MUC5AC: variants seen among roughly 807,000 people sequenced by gnomAD.
The protein encoded by MUC5AC is mucin-5AC.
Under a neutral mutation model 169.7 loss-of-function variants are expected in MUC5AC, and 158 were observed. That is an observed-to-expected ratio of 0.93 (90% CI 0.82 to 1.06). The LOEUF (loss-of-function observed/expected upper bound fraction) is 1.06. Among genes scored for constraint, MUC5AC ranks in the 50% least tolerant of loss-of-function variants. The pLI is 0.00. For missense variants in MUC5AC, 4,359 were observed against 3,089.9 expected, an observed-to-expected ratio of 1.41 and a Z score of -9.74; for synonymous variants, 1,975 against 1,237.0, an observed-to-expected ratio of 1.60 and a Z score of -12.52.
Position 1,198,967 on chromosome 11 carries a change from A to G in MUC5AC, c.16267A>G (p.Thr5423Ala), listed in dbSNP as rs1287693857. 2.6e-6 allele frequency: 2 copies of G among 763,960 alleles called. No homozygotes were observed. Among genetic ancestry groups the G allele is most frequent in the Admixed American group, 1.7e-5 (1 of 58,904 alleles). 47.3% of individuals were successfully genotyped at this position (763,960 alleles called of 1,614,324 possible). A position where few individuals can be genotyped will look rare whatever the true frequency, so the allele number is the denominator to read the frequency against. ...PSDAFVVSCE[T>A]QICNTHCPVG... Reference sequence around the variant, plus strand: ...GGACGCGTTTGTGGTCAGCTGTGAGACCCAGATCTGCAACACACACTGCCC... The same window carrying G: ...GGACGCGTTTGTGGTCAGCTGTGAGGCCCAGATCTGCAACACACACTGCCC... Residue 5423 changes from threonine (T) to alanine (A), a missense_variant, in exon 44 of 49, where the codon ACC becomes GCC. Thr to Ala is a moderately conservative substitution (Grantham distance 58). Transcript: ENST00000621226.
intron 15 of MUC5AC, among the ~76,000 whole-genome samples, chr11:1,170,576 CTCACCTACTCACTCACTCACTCACCCAT>C (rs1860480302): frequency 2.7e-3 from 387 of 141,048 alleles, no homozygotes; most frequent in African/African-American, 3.4e-3. Context: ...CACTCACCCA[CTCACCTACTCACTCACTCACTCACCCAT>C]TCACCCACTC....
chr11:1,180,851 A>G (rs1860801216), intron 28 of MUC5AC, among the ~76,000 whole-genome samples: 1 of 152,134 alleles, frequency 6.6e-6, no homozygotes, highest in African/African-American at 2.4e-5. Flanking sequence ...AAGGATGCCC[A>G]TTAAAATCAC....
In MUC5AC at chr11:1,188,224, C is replaced by T. The variant is rs1426858290; in HGVS notation, c.10079C>T (p.Thr3360Ile). 1.5e-6 allele frequency: 1 copy of T among 689,414 alleles called. No homozygotes were observed. The highest frequency in any genetic ancestry group is 2.6e-6 in the Non-Finnish European group (1 of 379,278). The allele number at this position is 689,414 out of a possible 1,614,324, so 42.7% of individuals were successfully genotyped here. A position where few individuals can be genotyped will look rare whatever the true frequency, so the allele number is the denominator to read the frequency against. Residue 3360 changes from threonine to isoleucine, a missense_variant, in exon 31 of 49, where the codon ACT becomes ATT. Transcript: ENST00000621226. ...TCTTGGCAGAAATCCAGGACAACCA[C>T]TTTGGTGACAACCAGCACAACCTCC... is the stretch of plus-strand genomic sequence containing the variant. ...TSSWQKSRTT[T>I]LVTTSTTSTP...
In MUC5AC at chr11:1,195,199, A is replaced by G; in HGVS notation, c.15378A>G (p.Thr5126=). The change falls in exon 36 of 49, where the codon ACA becomes ACG. Residue 5126 remains threonine (T), a synonymous_variant. Coordinates refer to ENST00000621226, the MANE Select transcript of MUC5AC (RefSeq NM_001304359.2). ...TVGSTTVGPT[T]VGSTTVGPTT... ...GGTCTACCACGGTCGGGCCCACCAC[A>G]GTTGGGTCTACCACGGTCGGGCCCA... 1 of 760,086 alleles carries G rather than the reference A, an allele frequency of 1.3e-6. No homozygotes were observed. 47.1% of individuals were successfully genotyped at this position (760,086 alleles called of 1,614,324 possible).
chr11:1,169,118 C>A, intron 15 of MUC5AC, 92 bp downstream of exon 15: 1 of 1,429,626 alleles, frequency 7.0e-7, no homozygotes, highest in Non-Finnish European at 9.2e-7. Flanking sequence ...GCCGGCCCTG[C>A]GTGTGCCTGT....
chr11:1,169,759 C>A (rs1860443072), intron 15 of MUC5AC, among the ~76,000 whole-genome samples: 1 of 147,034 alleles, frequency 6.8e-6, no homozygotes, highest in Admixed American at 6.7e-5. Context: ...TCACTCACCT[C>A]ACTCACTCGC....
At chr11:1,161,701 T>G in intron 3 of MUC5AC, 115 bp downstream of exon 3, 1 of 1,321,538 alleles carries the variant, frequency 7.6e-7, no homozygotes, top group Non-Finnish European at 1.0e-6. Flanking sequence ...GAACACTGGG[T>G]GGGTATTGGA....
rs1860031262 is a variant in MUC5AC, at chr11:1,158,533, G to A, written c.73+461G>A. On this transcript the variant is annotated intron_variant, in intron 1 of 48. Transcript: ENST00000621226. ...TCGATGGGGATCTCCTGCGGGGGGAGGTCTCAGCCTCTGAGCTGGGATGTG... is the reference window on the plus strand; with the variant it reads ...TCGATGGGGATCTCCTGCGGGGGGAAGTCTCAGCCTCTGAGCTGGGATGTG... 3.3e-5 allele frequency among the ~76,000 whole-genome samples: 5 copies of A among 152,312 alleles called. No homozygotes were observed. The South Asian group carries it at 1.0e-3, about 32-fold the overall frequency.
At position 1,188,251 on chromosome 11, in the gene MUC5AC, C is replaced by T. The variant is rs1861001078; in HGVS notation, c.10106C>T (p.Thr3369Ile). ...TTGGTGACAACCAGCACAACCTCCA[C>T]TCCACAGACCAGCACAACCTCTGCT... Reference protein sequence around the residue: ...TTLVTTSTTSTPQTSTTSAPT... With the variant: ...TTLVTTSTTSIPQTSTTSAPT... Residue 3369 changes from threonine (T) to isoleucine (I), a missense_variant, in exon 31 of 49, where the codon ACT becomes ATT. By Grantham distance (89) the Thr-to-Ile change is moderately conservative. Coordinates refer to ENST00000621226, the MANE Select transcript of MUC5AC (RefSeq NM_001304359.2). 5 of 699,984 alleles carry T rather than the reference C, an allele frequency of 7.1e-6. No individual in the cohort carries two copies. The highest frequency in any genetic ancestry group is 1.8e-5 in the African/African-American group (1 of 56,952). 43.4% of individuals were successfully genotyped at this position (699,984 alleles called of 1,614,324 possible). A position where few individuals can be genotyped will look rare whatever the true frequency, so the allele number is the denominator to read the frequency against.
At position 1,189,879 on chromosome 11, in the gene MUC5AC, A is replaced by G; in HGVS notation, c.11734A>G (p.Thr3912Ala). The change falls in exon 31 of 49, where the codon ACC (threonine) becomes GCC (alanine). Residue 3912 changes from threonine (T) to alanine (A), a missense_variant. Coordinates refer to ENST00000621226, the MANE Select transcript of MUC5AC (RefSeq NM_001304359.2). ...AACCTCAGCTGCTACAAGCAGCACA[A>G]CCTCCGGTTCTGGAACTACTCCCAG... ...SKTSAATSSTTSGSGTTPSPV... is the reference protein window; with the variant it reads ...SKTSAATSSTASGSGTTPSPV... The G allele has an allele frequency of 1.3e-6, 1 of 764,950 alleles. No homozygotes were observed. Among genetic ancestry groups the G allele is most frequent in the African/African-American group, 1.7e-5 (1 of 59,236 alleles). 47.4% of individuals were successfully genotyped at this position (764,950 alleles called of 1,614,324 possible).
chr11:1,168,093 G>T, intron 12 of MUC5AC, 106 bp downstream of exon 12: 1 of 966,988 alleles, frequency 1.0e-6, no homozygotes, highest in Non-Finnish European at 1.6e-6. Flanking sequence ...ACAGCGAGAG[G>T]CGGGGACCCT....
In MUC5AC at chr11:1,186,073, G is replaced by A; in HGVS notation, c.7928G>A (p.Ser2643Asn). 1 of 744,484 alleles carries A rather than the reference G, an allele frequency of 1.3e-6. No homozygotes were observed. The highest frequency in any genetic ancestry group is 2.5e-6 in the Non-Finnish European group (1 of 407,646). 46.1% of individuals were successfully genotyped at this position (744,484 alleles called of 1,614,324 possible). ...ETTPSPVPTA[S>N]TTSASTTSTT... The stretch of plus-strand genomic sequence containing the variant: ...ACTCCCAGCCCTGTTCCTACCGCCA[G>A]CACAACCTCTGCTTCTACAACTAGC... Residue 2643 changes from serine (S) to asparagine (N), a missense_variant, in exon 31 of 49, where the codon AGC (serine) becomes AAC (asparagine). Ser to Asn is a conservative substitution (Grantham distance 46, BLOSUM62 1). Coordinates refer to ENST00000621226, the MANE Select transcript of MUC5AC (RefSeq NM_001304359.2).
chr11:1,186,056 C>T lies in MUC5AC; in HGVS notation c.7911C>T (p.Ser2637=). The change falls in exon 31 of 49, where the codon AGC becomes AGT. Residue 2637 remains serine (S), a synonymous_variant. Transcript: ENST00000621226. ...SRISGPETTP[S]PVPTASTTSA... is the part of the protein sequence containing the mutation. ...TCTCTGGTCCTGAAACTACTCCCAG[C>T]CCTGTTCCTACCGCCAGCACAACCT... The T allele has an allele frequency of 1.4e-6, 1 of 740,524 alleles. No individual in the cohort carries two copies. The highest frequency in any genetic ancestry group is 2.5e-5 in the East Asian group (1 of 40,148). The allele number at this position is 740,524 out of a possible 1,614,324, so 45.9% of individuals were successfully genotyped here.
At chr11:1,169,244 G>A in intron 15 of MUC5AC, 1 of 870,452 alleles carries the variant, frequency 1.1e-6, no homozygotes, top group Non-Finnish European at 1.4e-6. Context: ...CAAAGAAAGG[G>A]TACAAGTCTC....
intron 26 of MUC5AC, among the ~76,000 whole-genome samples, chr11:1,179,534 G>A (rs1302980373): frequency 6.7e-6 from 1 of 148,894 alleles, no homozygotes; most frequent in African/African-American, 2.5e-5. Context: ...GGTCAGCAGA[G>A]TTGCCCAGCT....
intron 1 of MUC5AC, among the ~76,000 whole-genome samples, chr11:1,159,975 C>T (rs555398840): frequency 1.6e-5 from 2 of 128,778 alleles, no homozygotes; most frequent in South Asian, 5.2e-4. Context: ...TGGCTCTGTG[C>T]AGGGCTGTGC....
chr11:1,189,801 A>G lies in MUC5AC; in HGVS notation c.11656A>G (p.Ser3886Gly). 1.4e-6 allele frequency: 1 copy of G among 724,776 alleles called. No homozygotes were observed. The highest frequency in any genetic ancestry group is 2.5e-6 in the Non-Finnish European group (1 of 396,886). The allele number at this position is 724,776 out of a possible 1,614,324, so 44.9% of individuals were successfully genotyped here. A position where few individuals can be genotyped will look rare whatever the true frequency, so the allele number is the denominator to read the frequency against. The change falls in exon 31 of 49, where the codon AGC becomes GGC. Residue 3886 changes from serine (S) to glycine (G), a missense_variant. Physicochemically the swap from Ser to Gly is moderately conservative, Grantham distance 56. Transcript: ENST00000621226. ...CAGCACAACCTCTTTCCATACAACC[A>G]GCACAACCTCTCCCCCTACAAGCAG... is the stretch of plus-strand genomic sequence containing the variant. Reference protein sequence around the residue: ...TTSTTSFHTTSTTSPPTSSTS... With the variant: ...TTSTTSFHTTGTTSPPTSSTS...
chr11:1,158,392 G>C (rs55680540), intron 1 of MUC5AC, among the ~76,000 whole-genome samples: 1 of 152,172 alleles, frequency 6.6e-6, no homozygotes, highest in Admixed American at 6.5e-5. Flanking sequence ...CTGGCCCACA[G>C]TATCTCCAGC....
intron 15 of MUC5AC, among the ~76,000 whole-genome samples, chr11:1,172,220 C>G (rs1460209328): frequency 6.6e-6 from 1 of 152,228 alleles, no homozygotes; most frequent in East Asian, 1.9e-4. Flanking sequence ...AGAGAAGCCT[C>G]GGTTCTGGAT....
Sources: gnomAD v4.1 joint callset for allele counts (sites outside exome capture counted in the v4.1 genomes callset) on GRCh38, gnomAD v4.1.1 for gene constraint, MANE v1.5 for transcripts, NCBI Gene and HGNC (gene_info 2026-07-23, HGNC 2026-07-21) for gene names.